Variants in PDE1C observed in about 807,000 individuals in gnomAD.
PDE1C encodes phosphodiesterase 1C, also known as dual specificity calcium/calmodulin-dependent 3',5'-cyclic nucleotide phosphodiesterase 1C.
Under a neutral mutation model 93.1 loss-of-function variants are expected in PDE1C, and 62 were observed. The observed-to-expected ratio is 0.67, with a 90% CI of 0.54 to 0.82. The LOEUF is 0.82. PDE1C is among the 40% of genes least tolerant of loss of function. The pLI is 0.00. For synonymous variants in PDE1C, 325 were observed against 310.1 expected (o/e 1.05, Z -0.50); for missense variants, 742 against 884.6 (o/e 0.84, Z 2.04).
chr7:32,267,378 G>A (rs62457473), intron 1 of PDE1C, among the ~76,000 whole-genome samples: 17,781 of 152,156 alleles, frequency 0.12, 1,198 homozygotes, highest in African/African-American at 0.16. Flanking sequence ...CAAACACCTC[G>A]GAAGGAATGG....
chr7:32,224,392 C>T (rs1168012461), intron 1 of PDE1C, among the ~76,000 whole-genome samples: 2 of 152,074 alleles, frequency 1.3e-5, no homozygotes, highest in East Asian at 3.9e-4. Context: ...AGACTGCAGG[C>T]TTTAGAGTCA....
chr7:31,678,609 T>C, the PDE1C span, among the ~76,000 whole-genome samples: 1 of 152,204 alleles, frequency 6.6e-6, no homozygotes, highest in Non-Finnish European at 1.5e-5. Context: ...CTGTATCAGA[T>C]ACTTCGATAG....
the PDE1C span, among the ~76,000 whole-genome samples, chr7:31,706,224 C>G: frequency 1.3e-5 from 2 of 151,702 alleles, no homozygotes; most frequent in Non-Finnish European, 2.9e-5. Flanking sequence ...AGGCTGCTGT[C>G]TAACTCCTGA....
intron 2 of PDE1C, among the ~76,000 whole-genome samples, chr7:31,900,633 C>T (rs974376650): frequency 1.3e-5 from 2 of 151,436 alleles, no homozygotes; most frequent in African/African-American, 4.8e-5. Context: ...AAGAAAAAAG[C>T]TCGGTAATTT....
chr7:31,943,813 G>A (rs1806185422), intron 2 of PDE1C, among the ~76,000 whole-genome samples: 4 of 151,688 alleles, frequency 2.6e-5, no homozygotes, highest in Admixed American at 2.6e-4. Context: ...AGAGGAATTT[G>A]TTGAATCCCC....
intron 2 of PDE1C, among the ~76,000 whole-genome samples, chr7:31,896,034 C>CAA (rs1799290340): frequency 6.6e-6 from 1 of 152,042 alleles, no homozygotes; most frequent in South Asian, 2.1e-4. Context: ...CACACAAACA[C>CAA]ACACACAAAC....
chr7:31,702,797 C>T, the PDE1C span, among the ~76,000 whole-genome samples: 2 of 152,142 alleles, frequency 1.3e-5, no homozygotes, highest in East Asian at 1.9e-4. Flanking sequence ...TACATATATG[C>T]TGGTTTGATG....
chr7:31,821,883 G>A (rs1202069938), intron 14 of PDE1C, among the ~76,000 whole-genome samples: 1 of 152,024 alleles, frequency 6.6e-6, no homozygotes, highest in Admixed American at 6.6e-5. Context: ...AACCAACACT[G>A]CTAGAACATG....
intron 2 of PDE1C, among the ~76,000 whole-genome samples, chr7:32,208,111 C>A (rs1805737501): frequency 6.6e-6 from 1 of 152,216 alleles, no homozygotes. Flanking sequence ...TTTTATTACA[C>A]AATTTCTAAA....
chr7:31,669,103 T>A, the PDE1C span, among the ~76,000 whole-genome samples: 1 of 152,262 alleles, frequency 6.6e-6, no homozygotes, highest in African/African-American at 2.4e-5. Context: ...TGTAAGATAG[T>A]GACATGATGT....
the PDE1C span, among the ~76,000 whole-genome samples, chr7:31,619,913 G>A: frequency 4.5e-4 from 68 of 152,270 alleles, no homozygotes; most frequent in South Asian, 0.011. Context: ...CAAATACTGC[G>A]CTTTTCCGAC....
At chr7:31,892,592 G>A (rs1270876063) in intron 2 of PDE1C, among the ~76,000 whole-genome samples, 1 of 152,080 alleles carries the variant, frequency 6.6e-6, no homozygotes, top group African/African-American at 2.4e-5. Flanking sequence ...GGCCATGAAG[G>A]GGTTGTAAAG....
intron 3 of PDE1C, 92 bp from the exon 4 acceptor site, chr7:31,879,270 A>G: frequency 8.1e-7 from 1 of 1,229,630 alleles, no homozygotes; most frequent in African/African-American, 1.5e-5. Context: ...CCTCACCTGC[A>G]TGTTAGGTGC....
chr7:32,391,294 A>G (rs1585139269), intron 1 of PDE1C, among the ~76,000 whole-genome samples: 1 of 152,328 alleles, frequency 6.6e-6, no homozygotes, highest in Non-Finnish European at 1.5e-5. Context: ...AGGTCAATTA[A>G]TCAAGAAGAT....
intron 2 of PDE1C, among the ~76,000 whole-genome samples, chr7:31,937,810 C>A: frequency 6.6e-6 from 1 of 152,108 alleles, no homozygotes; most frequent in East Asian, 1.9e-4. Context: ...ACATTTTATT[C>A]AGCATATTAT....
At chr7:32,263,250 A>G (rs145254368) in intron 1 of PDE1C, among the ~76,000 whole-genome samples, 105 of 152,320 alleles carry the variant, frequency 6.9e-4, no homozygotes, top group African/African-American at 2.3e-3. Context: ...AACGATATCC[A>G]TATACACTTT....
intron 1 of PDE1C, among the ~76,000 whole-genome samples, chr7:32,284,171 A>G (rs1811856889): frequency 6.6e-6 from 1 of 152,246 alleles, no homozygotes; most frequent in Admixed American, 6.5e-5. Flanking sequence ...CTGCACAGCA[A>G]GCCAGAGAAT....
intron 2 of PDE1C, among the ~76,000 whole-genome samples, chr7:32,034,223 T>A (rs1246762151): frequency 6.6e-6 from 1 of 152,080 alleles, no homozygotes; most frequent in Non-Finnish European, 1.5e-5. Flanking sequence ...GTTTCCTTCA[T>A]GAACTTCTAA....
intron 2 of PDE1C, among the ~76,000 whole-genome samples, chr7:31,943,218 A>G (rs1448089537): frequency 2.0e-5 from 3 of 152,174 alleles, no homozygotes; most frequent in Non-Finnish European, 4.4e-5. Flanking sequence ...CAAGTGCCAC[A>G]GGATTAGTTC....
Sources: allele counts gnomAD v4.1 joint callset (sites outside exome capture counted in the v4.1 genomes callset), GRCh38; gene constraint gnomAD v4.1.1; transcripts MANE v1.5; gene names NCBI Gene and HGNC (gene_info 2026-07-23, HGNC 2026-07-21).